DCHS2: variants seen among roughly 807,000 people sequenced by gnomAD.
The protein encoded by DCHS2 is dachsous cadherin-related 2.
DCHS2 carries 142 observed loss-of-function variants against 182.4 expected under a neutral mutation model. That is an observed-to-expected ratio of 0.78 (90% CI 0.68 to 0.89). DCHS2 has a LOEUF of 0.89. Among genes scored for constraint, DCHS2 ranks in the 40% least tolerant of loss-of-function variants. The probability of loss-of-function intolerance (pLI) is 0.00; values close to 1 mark genes in which losing one functional copy is unlikely to be tolerated. For missense variants in DCHS2, 4,319 were observed against 4,198.6 expected (o/e 1.03, Z -0.79); for synonymous variants, 1,740 against 1,663.3 (o/e 1.05, Z -1.12).
At position 154,333,078 on chromosome 4, in the gene DCHS2, C is replaced by T. The variant is rs755315887; in HGVS notation, c.3130G>A (p.Gly1044Ser). 34 of 1,614,032 alleles carry T rather than the reference C, an allele frequency of 2.1e-5. No individual in the cohort carries two copies. The South Asian group carries it at 3.3e-4, about 16-fold the overall frequency. ...GTCAGCGTGAGCTCCCGCTGCTCGC[C>T]CGCGCCCAGGCTGCCGTTGAGGAAC... ...VLFLNGSLGA[G>S]EQRELTLTLR... The change falls in exon 5 of 20, where the codon GGC becomes AGC. Residue 1044 changes from glycine (G) to serine (S), a missense_variant. Physicochemically the swap from Gly to Ser is moderately conservative, Grantham distance 56 (BLOSUM62 0). Coordinates refer to ENST00000357232, the MANE Select transcript of DCHS2 (RefSeq NM_001358235.2).
At chr4:154,367,381 C>T (rs764862191) in intron 2 of DCHS2, among the ~76,000 whole-genome samples, 12 of 152,078 alleles carry the variant, frequency 7.9e-5, no homozygotes, top group Non-Finnish European at 1.5e-4. Flanking sequence ...AGGAGCAGTG[C>T]AGGTACTCAT....
At chr4:154,328,740 G>T (rs1471670867) in intron 6 of DCHS2, among the ~76,000 whole-genome samples, 1 of 152,160 alleles carries the variant, frequency 6.6e-6, no homozygotes, top group African/African-American at 2.4e-5. Context: ...AAAGTGTAAT[G>T]ATGATATAAT....
chr4:154,427,887 T>A (rs1272643081), intron 1 of DCHS2, among the ~76,000 whole-genome samples: 1 of 152,204 alleles, frequency 6.6e-6, no homozygotes, highest in Non-Finnish European at 1.5e-5. Flanking sequence ...GTGATTGAAA[T>A]AAATAGTAGA....
intron 7 of DCHS2, 76 bp from the exon 8 acceptor site, chr4:154,322,564 T>C: frequency 2.1e-6 from 3 of 1,453,696 alleles, no homozygotes; most frequent in South Asian, 3.1e-5. Context: ...ATCCAATATA[T>C]CGATCATTTG....
intron 7 of DCHS2, among the ~76,000 whole-genome samples, chr4:154,326,827 A>G (rs1289048998): frequency 1.3e-5 from 2 of 152,094 alleles, no homozygotes; most frequent in Admixed American, 6.6e-5. Flanking sequence ...CCAACTTCCC[A>G]CTTGTTATTT....
intron 1 of DCHS2, among the ~76,000 whole-genome samples, chr4:154,440,488 T>C (rs1028419995): frequency 6.6e-6 from 1 of 152,192 alleles, no homozygotes; most frequent in African/African-American, 2.4e-5. Flanking sequence ...TTTTTCCTAA[T>C]TGCCCGCATG....
At chr4:154,283,831 A>G (rs1734267797) in intron 13 of DCHS2, among the ~76,000 whole-genome samples, 1 of 152,118 alleles carries the variant, frequency 6.6e-6, no homozygotes, top group African/African-American at 2.4e-5. Context: ...CATTTCTTGT[A>G]TGGGCTGTCA....
intron 1 of DCHS2, among the ~76,000 whole-genome samples, chr4:154,396,013 G>A (rs186670169): frequency 5.9e-5 from 9 of 152,302 alleles, no homozygotes; most frequent in South Asian, 2.1e-4. Context: ...GAAATTGAGC[G>A]AGGTAAACAT....
chr4:154,288,013 A>G lies in DCHS2; in HGVS notation c.6463+9838T>C, dbSNP rs12647670. ...AAGTCAGGAAGATAAGAAAAAGGGA[A>G]GAGAAGACTCTAAGACAATCAGAAA... is the stretch of plus-strand genomic sequence containing the variant. On this transcript the variant is annotated intron_variant, in intron 13 of 19. Transcript: ENST00000357232. Among the ~76,000 whole-genome samples the G allele has an allele frequency of 0.016, 2,494 of 152,276 alleles. 166 individuals carry two copies. The East Asian group carries it at 0.23, about 14-fold the overall frequency.
At chr4:154,239,870 C>G (rs1338870522) in intron 18 of DCHS2, among the ~76,000 whole-genome samples, 2 of 152,142 alleles carry the variant, frequency 1.3e-5, no homozygotes, top group Admixed American at 1.3e-4. Flanking sequence ...AAAAGTTCTT[C>G]TAAACTATTT....
At chr4:154,450,379 G>C (rs964861581) in intron 1 of DCHS2, among the ~76,000 whole-genome samples, 3 of 152,176 alleles carry the variant, frequency 2.0e-5, no homozygotes, top group Admixed American at 6.5e-5. Context: ...CAAAAGACAT[G>C]CTCACATCAC....
chr4:154,343,246 T>C (rs964606840), intron 3 of DCHS2, among the ~76,000 whole-genome samples: 5 of 152,196 alleles, frequency 3.3e-5, no homozygotes, highest in Non-Finnish European at 7.3e-5. Flanking sequence ...GTAGATACAG[T>C]ATATTTCTTA....
intron 19 of DCHS2, chr4:154,237,431 G>A (rs911172368): frequency 6.2e-6 from 2 of 325,100 alleles, no homozygotes; most frequent in Admixed American, 9.7e-5. Flanking sequence ...TCTGAATTTT[G>A]TTTTTGTATA....
intron 2 of DCHS2, among the ~76,000 whole-genome samples, chr4:154,367,534 C>A (rs1048227624): frequency 1.3e-5 from 2 of 152,148 alleles, no homozygotes; most frequent in African/African-American, 4.8e-5. Context: ...AGAAAGAGAG[C>A]AAATGAAATA....
intron 1 of DCHS2, among the ~76,000 whole-genome samples, chr4:154,446,190 A>G (rs1470479883): frequency 3.9e-5 from 6 of 152,248 alleles, no homozygotes; most frequent in Admixed American, 3.9e-4. Flanking sequence ...AGTCTAATCC[A>G]TAATAGTTTA....
At chr4:154,304,289 G>GA (rs1195574949) in intron 12 of DCHS2, among the ~76,000 whole-genome samples, 1 of 152,016 alleles carries the variant, frequency 6.6e-6, no homozygotes, top group South Asian at 2.1e-4. Flanking sequence ...TGTTAGCATA[G>GA]AAAAAAATTC....
intron 10 of DCHS2, among the ~76,000 whole-genome samples, chr4:154,311,434 T>TA (rs1430221876): frequency 2.0e-5 from 3 of 151,714 alleles, no homozygotes; most frequent in Non-Finnish European, 4.4e-5. Context: ...GAGGTCTTGC[T>TA]ATGTTGCCCA....
intron 1 of DCHS2, among the ~76,000 whole-genome samples, chr4:154,442,529 A>ACCCCC (rs769550225): frequency 2.4e-5 from 1 of 40,954 alleles, no homozygotes; most frequent in African/African-American, 7.8e-5. Context: ...AAAAGTGGAC[A>ACCCCC]CCCCCCCCCC....
chr4:154,331,501 A>G (rs1736523165), intron 5 of DCHS2: 12 of 1,466,664 alleles, frequency 8.2e-6, no homozygotes, highest in Non-Finnish European at 1.0e-5. Context: ...TTAGGGAGTG[A>G]ATGAGAGTGG....
Sources: gnomAD v4.1 joint callset for allele counts (sites outside exome capture counted in the v4.1 genomes callset) on GRCh38, gnomAD v4.1.1 for gene constraint, MANE v1.5 for transcripts, NCBI Gene and HGNC (gene_info 2026-07-23, HGNC 2026-07-21) for gene names.